The following CD226 variants were observed in gnomAD, a reference collection of about 807,000 sequenced individuals.
CD226 encodes CD226 antigen.
In CD226, 24 loss-of-function variants were observed where a neutral mutation model predicts 34.9. The ratio of observed to expected loss-of-function variants is 0.69; its 90% CI spans 0.50 to 0.97. The LOEUF (loss-of-function observed/expected upper bound fraction) is 0.97, where lower values mean the gene tolerates loss of function less well. Ranked by LOEUF, CD226 falls within the 50% of genes least tolerant of loss-of-function variation. CD226 has a pLI of 0.00. For missense variants in CD226, 397 were observed against 412.7 expected, an observed-to-expected ratio of 0.96 and a Z score of 0.33; for synonymous variants, 148 against 147.4, an observed-to-expected ratio of 1.00 and a Z score of -0.03.
chr18:69,865,687 T>G (rs568747756), intron 5 of CD226, among the ~76,000 whole-genome samples: 46 of 152,340 alleles, frequency 3.0e-4, no homozygotes, highest in African/African-American at 1.1e-3. Flanking sequence ...CCATGTTTTT[T>G]GCCAACAAAC....
At chr18:69,884,381 G>T (rs1360635151) in intron 3 of CD226, among the ~76,000 whole-genome samples, 1 of 151,334 alleles carries the variant, frequency 6.6e-6, no homozygotes, top group South Asian at 2.1e-4. Flanking sequence ...TTCCAGGGGA[G>T]CTCCAGCTGC....
At chr18:69,951,843 A>T (rs958449708), upstream of CD226, among the ~76,000 whole-genome samples, 1 of 152,204 alleles carries the variant, frequency 6.6e-6, no homozygotes, top group Non-Finnish European at 1.5e-5. Flanking sequence ...AAATTAGTAC[A>T]ACGTCTATGG....
rs1048120435 is a variant in CD226, at chr18:69,857,220, C to A, written c.*7094G>T. 1 of 152,170 alleles carries A rather than the reference C, an allele frequency of 6.6e-6. No individual in the cohort carries two copies. Among genetic ancestry groups the A allele is most frequent in the African/African-American group, 2.4e-5 (1 of 41,464 alleles). The allele number at this position is 152,170 out of a possible 1,614,324, so 9.4% of individuals were successfully genotyped here. On this transcript the variant is annotated 3_prime_UTR_variant, in exon 6 of 6. Coordinates refer to ENST00000582621, the MANE Select transcript of CD226 (RefSeq NM_001303618.2). ...TTGAAAGAATTATAAAATAGACATA[C>A]AAAATTACAGAAAGGTTAGAAGAGT...
chr18:69,923,643 G>A lies in CD226; in HGVS notation c.382+23091C>T, dbSNP rs146384961. Reference sequence around the variant, plus strand: ...GATAGAAGTGACACATCTGATTTAGGATGGAAAAAGGTTAGTCAATAAAAA... The same window carrying A: ...GATAGAAGTGACACATCTGATTTAGAATGGAAAAAGGTTAGTCAATAAAAA... On this transcript the variant is annotated intron_variant, in intron 2 of 5. Transcript: ENST00000582621. Among the ~76,000 whole-genome samples the A allele has an allele frequency of 1.2e-4, 19 of 152,302 alleles. No homozygotes were observed. In the East Asian group the frequency reaches 2.9e-3, roughly 23 times the overall value.
At chr18:69,929,491 G>A (rs2055563637) in intron 2 of CD226, among the ~76,000 whole-genome samples, 1 of 151,986 alleles carries the variant, frequency 6.6e-6, no homozygotes, top group Admixed American at 6.6e-5. Flanking sequence ...ACAATGTGAG[G>A]GTTAAATGAA....
chr18:69,893,434 T>G (rs531337267), intron 3 of CD226, among the ~76,000 whole-genome samples: 2 of 152,376 alleles, frequency 1.3e-5, no homozygotes, highest in East Asian at 3.9e-4. Context: ...AAAAATCTGT[T>G]ACCTTCATTT....
At chr18:69,915,618 A>G (rs986219619) in intron 2 of CD226, among the ~76,000 whole-genome samples, 1 of 152,172 alleles carries the variant, frequency 6.6e-6, no homozygotes, top group African/African-American at 2.4e-5. Context: ...ATTTAAGCTC[A>G]GTGTTTGCCA....
In CD226 at chr18:69,896,461, A is replaced by G. The variant is rs568379315; in HGVS notation, c.383-416T>C. ...CTCCCAAAGTGCTGGGATTACAGGCATGAGCCACCGCACCCAGTTGTGAAT... is the reference window on the plus strand; with the variant it reads ...CTCCCAAAGTGCTGGGATTACAGGCGTGAGCCACCGCACCCAGTTGTGAAT... On this transcript the variant is annotated intron_variant, in intron 2 of 5. Coordinates refer to ENST00000582621, the MANE Select transcript of CD226 (RefSeq NM_001303618.2). Among the ~76,000 whole-genome samples the G allele has an allele frequency of 3.4e-4, 52 of 152,302 alleles. No individual in the cohort carries two copies. The East Asian group carries it at 5.8e-3, about 17-fold the overall frequency.
At position 69,858,348 on chromosome 18, in the gene CD226, C is replaced by A. The variant is rs941898631; in HGVS notation, c.*5966G>T. On this transcript the variant is annotated 3_prime_UTR_variant, in exon 6 of 6. Coordinates refer to ENST00000582621, the MANE Select transcript of CD226 (RefSeq NM_001303618.2). The stretch of plus-strand genomic sequence containing the variant: ...ACATTTGTCAGTTGAAGTTCTTCAA[C>A]GAGCCTGGAGGGAATGTCGCAGTGT... The A allele has an allele frequency of 6.6e-6, 1 of 152,104 alleles. No individual in the cohort carries two copies. Among genetic ancestry groups the A allele is most frequent in the Admixed American group, 6.5e-5 (1 of 15,272 alleles). The allele number at this position is 152,104 out of a possible 1,614,324, so 9.4% of individuals were successfully genotyped here.
chr18:69,889,224 G>A (rs1984740796), intron 3 of CD226, among the ~76,000 whole-genome samples: 1 of 151,962 alleles, frequency 6.6e-6, no homozygotes, highest in African/African-American at 2.4e-5. Context: ...TTTGAGTAGA[G>A]GTTATTTTAG....
intron 3 of CD226, among the ~76,000 whole-genome samples, chr18:69,887,342 CAA>C (rs1323440961): frequency 7.1e-6 from 1 of 140,560 alleles, no homozygotes; most frequent in Non-Finnish European, 1.6e-5. Context: ...CACACACACA[CAA>C]ATTAAAAGAG....
chr18:69,960,457 T>C (rs1295977831), upstream of CD226, among the ~76,000 whole-genome samples: 1 of 152,078 alleles, frequency 6.6e-6, no homozygotes, highest in Non-Finnish European at 1.5e-5. Context: ...ACAATTTTCG[T>C]TGTTGTTGTT....
At chr18:69,909,868 G>C (rs2145283159) in intron 2 of CD226, among the ~76,000 whole-genome samples, 1 of 152,298 alleles carries the variant, frequency 6.6e-6, no homozygotes, top group African/African-American at 2.4e-5. Context: ...AGTTGAAATA[G>C]AGAATATTGG....
chr18:69,920,318 T>C (rs576359563), intron 2 of CD226, among the ~76,000 whole-genome samples: 30 of 152,372 alleles, frequency 2.0e-4, no homozygotes, highest in Admixed American at 6.5e-4. Context: ...GAGGTCTCTT[T>C]GTTCTTCACA....
chr18:69,947,699 T>C lies in CD226; in HGVS notation c.-293A>G, dbSNP rs1207856998. The C allele has an allele frequency of 3.6e-6, 1 of 274,854 alleles. No individual in the cohort carries two copies. The highest frequency in any genetic ancestry group is 6.7e-6 in the Non-Finnish European group (1 of 149,618). The allele number at this position is 274,854 out of a possible 1,614,324, so 17.0% of individuals were successfully genotyped here. ...ATTCAACAAACATGTGCTGCATGCA[T>C]TCTCTGTGCCTAACTCAGCTGTAGG... On this transcript the variant is annotated 5_prime_UTR_variant, in exon 1 of 6. The change abolishes an upstream ATG in the 5' untranslated region. Coordinates refer to ENST00000582621, the MANE Select transcript of CD226 (RefSeq NM_001303618.2).
At chr18:69,901,184 G>A (rs1203728877) in intron 2 of CD226, among the ~76,000 whole-genome samples, 2 of 152,066 alleles carry the variant, frequency 1.3e-5, no homozygotes, top group African/African-American at 4.8e-5. Flanking sequence ...AAGGTGGAGA[G>A]GAATCAACCT....
chr18:69,943,895 G>A (rs990511086), intron 2 of CD226, among the ~76,000 whole-genome samples: 29 of 151,012 alleles, frequency 1.9e-4, no homozygotes, highest in Non-Finnish European at 1.2e-4. Flanking sequence ...CATATTTACA[G>A]AGCATAGGGC....
intron 2 of CD226, among the ~76,000 whole-genome samples, chr18:69,917,817 T>C (rs2055404200): frequency 6.6e-6 from 1 of 152,226 alleles, no homozygotes; most frequent in South Asian, 2.1e-4. Context: ...GAGTCTCCTG[T>C]CTAATACTTA....
intron 2 of CD226, among the ~76,000 whole-genome samples, chr18:69,911,597 T>C (rs1599001339): frequency 6.6e-6 from 1 of 152,172 alleles, no homozygotes; most frequent in Non-Finnish European, 1.5e-5. Flanking sequence ...CACACGGGAA[T>C]GCTAACACTC....
Sources: gnomAD v4.1 joint callset for allele counts (sites outside exome capture counted in the v4.1 genomes callset) on GRCh38, gnomAD v4.1.1 for gene constraint, MANE v1.5 for transcripts, NCBI Gene and HGNC (gene_info 2026-07-23, HGNC 2026-07-21) for gene names.